Variants in ZNF407 observed in about 807,000 individuals in gnomAD.
ZNF407 encodes the protein zinc finger protein 407.
ZNF407 carries 17 observed loss-of-function variants against 131.2 expected under a neutral mutation model. That is an observed-to-expected ratio of 0.13 (90% CI 0.09 to 0.19). The LOEUF (loss-of-function observed/expected upper bound fraction) is 0.19, where lower values mean the gene tolerates loss of function less well. Ranked by LOEUF, ZNF407 falls within the 10% of genes least tolerant of loss-of-function variation. The pLI, the probability that ZNF407 is intolerant of heterozygous loss-of-function variation, is 1.00. For missense variants in ZNF407, 2,681 were observed against 2,830.6 expected (o/e 0.95, Z 1.20); for synonymous variants, 1,156 against 1,062.0 (o/e 1.09, Z -1.72).
At chr18:74,748,006 T>C (rs1213431276) in intron 3 of ZNF407, among the ~76,000 whole-genome samples, 1 of 152,130 alleles carries the variant, frequency 6.6e-6, no homozygotes, top group Non-Finnish European at 1.5e-5. Context: ...AGTTAAATGT[T>C]CTAGTTTTTA....
intron 3 of ZNF407, among the ~76,000 whole-genome samples, chr18:74,656,910 A>G (rs1985483222): frequency 6.6e-6 from 1 of 152,154 alleles, no homozygotes. Context: ...TTTATGAATA[A>G]ATGCCATTGT....
At chr18:74,752,263 C>T (rs143682513) in intron 3 of ZNF407, among the ~76,000 whole-genome samples, 17,765 of 151,950 alleles carry the variant, frequency 0.12, 1,679 homozygotes, top group African/African-American at 0.26. Flanking sequence ...CTTTGTAGAT[C>T]CTGGATATTA....
At chr18:74,958,779 A>T (rs979004759) in intron 8 of ZNF407, among the ~76,000 whole-genome samples, 1 of 152,250 alleles carries the variant, frequency 6.6e-6, no homozygotes, top group Non-Finnish European at 1.5e-5. Flanking sequence ...TTGGCATGTG[A>T]CAGTAGGGTC....
chr18:74,886,390 T>A (rs974638721), intron 6 of ZNF407, among the ~76,000 whole-genome samples: 1 of 152,182 alleles, frequency 6.6e-6, no homozygotes, highest in African/African-American at 2.4e-5. Flanking sequence ...TATACACATA[T>A]GCCTATCATA....
chr18:74,654,576 G>T (rs1322752870), intron 3 of ZNF407, among the ~76,000 whole-genome samples: 2 of 151,458 alleles, frequency 1.3e-5, no homozygotes, highest in Non-Finnish European at 3.0e-5. Context: ...GTGAGACTTT[G>T]GAAAAGTAGG....
At chr18:74,619,619 A>G (rs1436253597) in intron 1 of ZNF407, among the ~76,000 whole-genome samples, 1 of 152,196 alleles carries the variant, frequency 6.6e-6, no homozygotes, top group Admixed American at 6.5e-5. Context: ...GCTCTATCAC[A>G]TGTCACCTCC....
intron 3 of ZNF407, among the ~76,000 whole-genome samples, chr18:74,766,275 A>T (rs940035415): frequency 9.9e-5 from 15 of 152,234 alleles, no homozygotes; most frequent in African/African-American, 3.6e-4. Flanking sequence ...ACCCACAGGC[A>T]TGAGTGGGAG....
At chr18:74,781,801 G>A (rs576835392) in intron 4 of ZNF407, among the ~76,000 whole-genome samples, 43 of 152,180 alleles carry the variant, frequency 2.8e-4, no homozygotes, top group African/African-American at 9.4e-4. Flanking sequence ...ATGCATTCGA[G>A]TGTGATAAAA....
intron 3 of ZNF407, among the ~76,000 whole-genome samples, chr18:74,772,620 A>G (rs17055544): frequency 0.14 from 21,903 of 152,046 alleles, 2,899 homozygotes; most frequent in African/African-American, 0.35. Flanking sequence ...ATTTCATATT[A>G]TTTTTGGAGT....
At chr18:75,019,725 C>T (rs1973085006) in intron 8 of ZNF407, among the ~76,000 whole-genome samples, 1 of 152,136 alleles carries the variant, frequency 6.6e-6, no homozygotes, top group Admixed American at 6.5e-5. Flanking sequence ...AATTGACTCA[C>T]AGTTCCACAG....
At chr18:74,804,986 A>G (rs1381987167) in intron 4 of ZNF407, among the ~76,000 whole-genome samples, 2 of 152,194 alleles carry the variant, frequency 1.3e-5, no homozygotes, top group Admixed American at 6.5e-5. Context: ...CCGTTGTTTC[A>G]GTGACCCGAC....
chr18:74,995,309 T>TG (rs2122146653), intron 8 of ZNF407, among the ~76,000 whole-genome samples: 1 of 152,018 alleles, frequency 6.6e-6, no homozygotes, highest in East Asian at 1.9e-4. Flanking sequence ...TTCTGGATGC[T>TG]GTGTGGAGAG....
intron 8 of ZNF407, among the ~76,000 whole-genome samples, chr18:75,032,549 C>G (rs570105335): frequency 9.2e-5 from 14 of 152,354 alleles, no homozygotes; most frequent in Non-Finnish European, 1.8e-4. Flanking sequence ...GTGCCCCAGC[C>G]TCTGGTTTGG....
intron 4 of ZNF407, among the ~76,000 whole-genome samples, chr18:74,809,099 GA>G (rs555358779): frequency 4.6e-5 from 7 of 151,690 alleles, no homozygotes; most frequent in South Asian, 2.1e-4. Context: ...ATTCTTTTAC[GA>G]AAAAAAACAG....
At chr18:74,770,941 A>G (rs188487479) in intron 3 of ZNF407, among the ~76,000 whole-genome samples, 160 of 152,304 alleles carry the variant, frequency 1.1e-3, no homozygotes, top group African/African-American at 3.6e-3. Flanking sequence ...TTGTCTCTTC[A>G]TAGAGATTTT....
intron 1 of ZNF407, among the ~76,000 whole-genome samples, chr18:74,618,213 C>T (rs1160692824): frequency 6.6e-6 from 1 of 152,096 alleles, no homozygotes. Context: ...TACTTTCTGC[C>T]GTAAGATGCT....
chr18:74,847,735 T>C (rs1378581895), intron 4 of ZNF407, among the ~76,000 whole-genome samples: 1 of 152,182 alleles, frequency 6.6e-6, no homozygotes, highest in Non-Finnish European at 1.5e-5. Context: ...TGTGACCATG[T>C]TTGTTTCCAG....
chr18:74,703,640 A>G lies in ZNF407; in HGVS notation c.4802+62518A>G, dbSNP rs998737118. On this transcript the variant is annotated intron_variant, in intron 3 of 8. Transcript: ENST00000299687. This position sits in a 1 kb window ranked among gnomAD's most constrained non-coding sequence, Gnocchi z 4.1. ...CTCGGCCTCCCAAAGTGCTGGGATT[A>G]CAGTTGTGAGCCACCGTGCCCAGCC... Among the ~76,000 whole-genome samples the G allele has an allele frequency of 1.3e-5, 2 of 152,098 alleles. No individual in the cohort carries two copies. The highest frequency in any genetic ancestry group is 4.8e-5 in the African/African-American group (2 of 41,408).
At chr18:74,609,407 A>T (rs62097588) in intron 1 of ZNF407, among the ~76,000 whole-genome samples, 18,148 of 152,270 alleles carry the variant, frequency 0.12, 1,205 homozygotes, top group Non-Finnish European at 0.14. Context: ...CCCATATAGC[A>T]TGTTACTGTA....
Sources: gnomAD v4.1 joint callset for allele counts (sites outside exome capture counted in the v4.1 genomes callset) on GRCh38, gnomAD v4.1.1 for gene constraint, Gnocchi (gnomAD v3.1) non-coding constraint, MANE v1.5 for transcripts, NCBI Gene and HGNC (gene_info 2026-07-23, HGNC 2026-07-21) for gene names.